GRID2: variants seen among roughly 807,000 people sequenced by gnomAD.
GRID2 encodes the protein glutamate ionotropic receptor delta type subunit 2.
Under a neutral mutation model 114.8 loss-of-function variants are expected in GRID2, and 33 were observed. The observed-to-expected ratio is 0.29, with a 90% confidence interval of 0.22 to 0.38. The LOEUF (loss-of-function observed/expected upper bound fraction) is 0.38, where lower values mean the gene tolerates loss of function less well. Among genes scored for constraint, GRID2 ranks in the 10% least tolerant of loss-of-function variants. The probability of loss-of-function intolerance (pLI) is 1.00; values close to 1 mark genes in which losing one functional copy is unlikely to be tolerated. For missense variants in GRID2, 1,184 were observed against 1,257.7 expected, an observed-to-expected ratio of 0.94 and a Z score of 0.89; for synonymous variants, 505 against 449.9, an observed-to-expected ratio of 1.12 and a Z score of -1.55.
At chr4:92,530,641 C>A (rs1369808491) in intron 1 of GRID2, among the ~76,000 whole-genome samples, 1 of 151,010 alleles carries the variant, frequency 6.6e-6, no homozygotes, top group African/African-American at 2.4e-5. Context: ...GTGGCTTATT[C>A]CTGTAATCCC....
intron 8 of GRID2, among the ~76,000 whole-genome samples, chr4:93,244,150 A>G (rs1297544701): frequency 6.6e-6 from 1 of 152,020 alleles, no homozygotes; most frequent in East Asian, 1.9e-4. Flanking sequence ...CTCACATATT[A>G]TTGCAGACTG....
Position 93,110,949 on chromosome 4 carries a change from C to G in GRID2, c.731C>G (p.Thr244Ser), listed in dbSNP as rs376815343. 6.3e-7 allele frequency: 1 copy of G among 1,598,456 alleles called. No individual in the cohort carries two copies. The highest frequency in any genetic ancestry group is 1.1e-5 in the South Asian group (1 of 90,758). ...MNPATAKSFI[T>S]EVVETNLVAF... is the part of the protein sequence containing the mutation. ...CCTGCTACAGCCAAATCCTTCATTACTGAGGTAAGTGAAAATTGTCTTGGG... is the reference window on the plus strand; with the variant it reads ...CCTGCTACAGCCAAATCCTTCATTAGTGAGGTAAGTGAAAATTGTCTTGGG... The change falls in exon 4 of 16, where the codon ACT becomes AGT. Residue 244 changes from threonine to serine, a missense_variant. By Grantham distance (58) the Thr-to-Ser change is moderately conservative (BLOSUM62 1). Coordinates refer to ENST00000282020, the MANE Select transcript of GRID2 (RefSeq NM_001510.4).
At chr4:93,403,379 A>G (rs923640570) in intron 9 of GRID2, among the ~76,000 whole-genome samples, 1 of 152,140 alleles carries the variant, frequency 6.6e-6, no homozygotes, top group Non-Finnish European at 1.5e-5. Flanking sequence ...ACTCCCCAGC[A>G]AAATAAGCAG....
intron 2 of GRID2, among the ~76,000 whole-genome samples, chr4:93,002,078 ATATACG>A (rs1721046875): frequency 6.6e-6 from 1 of 151,746 alleles, no homozygotes; most frequent in Non-Finnish European, 1.5e-5. Context: ...TTAACTTTTC[ATATACG>A]TGGTACAGCT....
At chr4:92,829,208 G>A (rs944863229) in intron 2 of GRID2, among the ~76,000 whole-genome samples, 8 of 152,106 alleles carry the variant, frequency 5.3e-5, no homozygotes, top group African/African-American at 1.9e-4. Context: ...GTAAGGAAGG[G>A]ATCCAGTTTT....
chr4:92,694,207 T>C (rs994419400), intron 2 of GRID2, among the ~76,000 whole-genome samples: 11 of 152,170 alleles, frequency 7.2e-5, no homozygotes, highest in Admixed American at 2.0e-4. Context: ...AAGCACCTGG[T>C]TGGAATCCTT....
intron 2 of GRID2, among the ~76,000 whole-genome samples, chr4:92,658,523 G>C (rs918963994): frequency 2.0e-5 from 3 of 151,680 alleles, no homozygotes; most frequent in African/African-American, 7.2e-5. Context: ...GAAGAGCTAA[G>C]CAAATCACAT....
intron 4 of GRID2, among the ~76,000 whole-genome samples, chr4:93,183,840 C>T (rs1740138547): frequency 2.6e-5 from 4 of 152,154 alleles, no homozygotes; most frequent in African/African-American, 9.7e-5. Context: ...ATGCTGAGAA[C>T]TTGTTCAAAC....
intron 2 of GRID2, among the ~76,000 whole-genome samples, chr4:92,659,635 A>G (rs966975732): frequency 6.6e-6 from 1 of 151,554 alleles, no homozygotes. Flanking sequence ...AGAAAACATA[A>G]TGAAAAAATA....
At chr4:93,607,458 T>C (rs1740371572) in intron 13 of GRID2, among the ~76,000 whole-genome samples, 1 of 152,138 alleles carries the variant, frequency 6.6e-6, no homozygotes. Flanking sequence ...TGATGAACAT[T>C]ACCACTATTT....
At chr4:93,802,796 G>A (rs978801773) in intron 1 of GRID2, among the ~76,000 whole-genome samples, 1 of 152,070 alleles carries the variant, frequency 6.6e-6, no homozygotes, top group Admixed American at 6.5e-5. Flanking sequence ...CATAATTAAG[G>A]GTCAAGGATC....
At chr4:93,239,496 T>G (rs1257793479) in intron 8 of GRID2, among the ~76,000 whole-genome samples, 1 of 151,396 alleles carries the variant, frequency 6.6e-6, no homozygotes, top group Non-Finnish European at 1.5e-5. Flanking sequence ...AGTGCTGAGA[T>G]GTAAGATGCA....
chr4:92,973,205 G>C (rs749287184), intron 2 of GRID2, among the ~76,000 whole-genome samples: 2 of 152,106 alleles, frequency 1.3e-5, no homozygotes, highest in Non-Finnish European at 2.9e-5. Flanking sequence ...ACAGTGTGGT[G>C]ATTCCTCAAA....
chr4:93,293,377 A>C (rs539332440), intron 8 of GRID2, among the ~76,000 whole-genome samples: 1 of 152,304 alleles, frequency 6.6e-6, no homozygotes, highest in African/African-American at 2.4e-5. Context: ...TTTATGGAAT[A>C]AGAGAAATTT....
intron 4 of GRID2, chr4:93,165,977 T>C (rs1166135704): frequency 1.3e-5 from 2 of 152,096 alleles, no homozygotes; most frequent in Non-Finnish European, 2.9e-5. Flanking sequence ...AAATTAAAGG[T>C]GTTTTATCTT....
chr4:92,402,341 A>C (rs1730825520), intron 1 of GRID2, among the ~76,000 whole-genome samples: 2 of 152,178 alleles, frequency 1.3e-5, no homozygotes, highest in East Asian at 3.9e-4. Flanking sequence ...AGAGTGGAGA[A>C]TCCTTTCCTG....
chr4:93,525,102 T>C (rs1280460005), intron 13 of GRID2, among the ~76,000 whole-genome samples: 3 of 151,926 alleles, frequency 2.0e-5, no homozygotes, highest in Non-Finnish European at 2.9e-5. Context: ...CAGTGGCTGC[T>C]AAGTAAAATG....
intron 1 of GRID2, among the ~76,000 whole-genome samples, chr4:92,472,412 G>A (rs1473847846): frequency 6.6e-6 from 1 of 152,088 alleles, no homozygotes; most frequent in East Asian, 1.9e-4. Context: ...AGTCTGTATA[G>A]GAACATATGT....
intron 4 of GRID2, among the ~76,000 whole-genome samples, chr4:93,201,531 G>C (rs1000678176): frequency 1.3e-5 from 2 of 152,170 alleles, no homozygotes; most frequent in Non-Finnish European, 2.9e-5. Context: ...TGATATCTTT[G>C]CTGCTACAGG....
Sources: gnomAD v4.1 joint callset for allele counts (sites outside exome capture counted in the v4.1 genomes callset) on GRCh38, gnomAD v4.1.1 for gene constraint, MANE v1.5 for transcripts, NCBI Gene and HGNC (gene_info 2026-07-23, HGNC 2026-07-21) for gene names.